The following TRPM8 variants were observed in gnomAD, a reference collection of about 807,000 sequenced individuals.
TRPM8 encodes the protein TRPM8 cationic channel.
A neutral mutation model predicts 133.7 loss-of-function variants in TRPM8; 110 were observed. That is an observed-to-expected ratio of 0.82 (90% CI 0.70 to 0.96). The LOEUF is 0.96. Among genes scored for constraint, TRPM8 ranks in the 40% least tolerant of loss-of-function variants. The pLI is 0.00. For synonymous variants in TRPM8, 535 were observed against 532.3 expected (o/e 1.01, Z -0.07); for missense variants, 1,291 against 1,379.5 (o/e 0.94, Z 1.02).
intron 19 of TRPM8, 118 bp from the exon 20 acceptor site, chr2:233,982,935 A>T (rs982904401): frequency 9.1e-7 from 1 of 1,101,550 alleles, no homozygotes; most frequent in Non-Finnish European, 1.3e-6. Flanking sequence ...GGTGACTTAG[A>T]TGCTCTGAGC....
intron 4 of TRPM8, among the ~76,000 whole-genome samples, chr2:233,937,823 C>T (rs1275012722): frequency 6.6e-6 from 1 of 152,206 alleles, no homozygotes; most frequent in African/African-American, 2.4e-5. Context: ...TTTGTGAACC[C>T]TACTGCTTAG....
intron 23 of TRPM8, among the ~76,000 whole-genome samples, chr2:234,007,487 C>G (rs1047269984): frequency 6.6e-6 from 1 of 152,226 alleles, no homozygotes; most frequent in Admixed American, 6.5e-5. Flanking sequence ...GTTGATTAAA[C>G]ATCTTATAGA....
At chr2:233,987,873 C>T (rs1017267607) in intron 21 of TRPM8, among the ~76,000 whole-genome samples, 6 of 152,124 alleles carry the variant, frequency 3.9e-5, no homozygotes, top group Non-Finnish European at 7.3e-5. Context: ...ATTCTGTTTG[C>T]CTGCTGCCAT....
chr2:233,934,396 C>T (rs765475731), intron 3 of TRPM8, among the ~76,000 whole-genome samples: 38 of 152,212 alleles, frequency 2.5e-4, no homozygotes, highest in Non-Finnish European at 5.0e-4. Context: ...GAAAGGGATG[C>T]CTATGTCAAT....
At chr2:233,991,630 G>T (rs1297851899) in intron 21 of TRPM8, among the ~76,000 whole-genome samples, 1 of 152,148 alleles carries the variant, frequency 6.6e-6, no homozygotes, top group African/African-American at 2.4e-5. Context: ...TGAAAATTCT[G>T]CCATTGTTTT....
chr2:234,012,780 C>T (rs1553672474), intron 24 of TRPM8, among the ~76,000 whole-genome samples: 1 of 150,912 alleles, frequency 6.6e-6, no homozygotes, highest in Non-Finnish European at 1.5e-5. Flanking sequence ...GTAGTAAGTT[C>T]CTTCTATATC....
rs200189869 is a variant in TRPM8 at position 234,017,440 on chromosome 2, A to G, written c.*184A>G. On this transcript the variant is annotated 3_prime_UTR_variant, in exon 26 of 26. Transcript: ENST00000324695. The stretch of plus-strand genomic sequence containing the variant: ...GAATAAAGTGTGTGATTGGTTTCAT[A>G]CTTGAAGACGGATATAAAGGAAGAA... The G allele has an allele frequency of 2.5e-4, 116 of 459,016 alleles. No homozygotes were observed. The highest frequency in any genetic ancestry group is 1.8e-3 in the South Asian group (112 of 62,672). The allele number at this position is 459,016 out of a possible 1,614,324, so 28.4% of individuals were successfully genotyped here.
intron 24 of TRPM8, 130 bp downstream of exon 24, chr2:234,008,233 G>A (rs889777421): frequency 1.3e-5 from 12 of 919,544 alleles, no homozygotes; most frequent in East Asian, 2.5e-5. Flanking sequence ...CTGTCTAAGA[G>A]CAGGGTGCTG....
intron 9 of TRPM8, among the ~76,000 whole-genome samples, chr2:233,953,069 A>T (rs1691206552): frequency 6.6e-6 from 1 of 152,040 alleles, no homozygotes; most frequent in African/African-American, 2.4e-5. Context: ...TGCAGTTTTC[A>T]TTCATTTCCT....
chr2:234,010,668 G>A (rs1241180058), intron 24 of TRPM8, among the ~76,000 whole-genome samples: 2 of 152,088 alleles, frequency 1.3e-5, no homozygotes, highest in Non-Finnish European at 2.9e-5. Context: ...TTGATAATAA[G>A]CGTCGTAACA....
chr2:233,973,110 A>T (rs1444630414), intron 17 of TRPM8, among the ~76,000 whole-genome samples: 5 of 152,368 alleles, frequency 3.3e-5, no homozygotes, highest in Non-Finnish European at 4.4e-5. Context: ...TTCTTGCCCC[A>T]GGACGGGGCC....
intron 21 of TRPM8, 82 bp downstream of exon 21, chr2:233,985,947 A>G (rs1329652262): frequency 1.4e-5 from 19 of 1,321,566 alleles, no homozygotes; most frequent in Non-Finnish European, 1.7e-5. Flanking sequence ...AGCATCGCAA[A>G]GGTCCCACCC....
At chr2:233,960,749 A>G in intron 11 of TRPM8, 27 bp from the exon 12 acceptor site, 1 of 1,598,776 alleles carries the variant, frequency 6.3e-7, no homozygotes, top group East Asian at 2.2e-5. Flanking sequence ...TAGTATTGTT[A>G]GTACTGTCTC....
At chr2:233,934,402 T>A (rs745553751) in intron 3 of TRPM8, among the ~76,000 whole-genome samples, 2 of 152,264 alleles carry the variant, frequency 1.3e-5, no homozygotes, top group Non-Finnish European at 1.5e-5. Context: ...GATGCCTATG[T>A]CAATCCTGGA....
rs747631146 is a variant in TRPM8, at chr2:233,964,615, C to T, written c.1750-13C>T. 1 of 1,484,934 alleles carries T rather than the reference C, an allele frequency of 6.7e-7. No individual in the cohort carries two copies. The highest frequency in any genetic ancestry group is 2.4e-5 in the East Asian group (1 of 41,966). The allele number at this position is 1,484,934 out of a possible 1,614,324, so 92.0% of individuals were successfully genotyped here. On this transcript the variant is annotated splice_polypyrimidine_tract_variant and intron_variant, in intron 13 of 25. Transcript: ENST00000324695. ...AAAGAATTAACCTTAAAATTCTTCA[C>T]CCCCCTAAAAAGACCAGGGGCTGCA...
rs35124867 is a variant in TRPM8, at chr2:233,942,621, A to G, written c.572A>G (p.Tyr191Cys). 122 of 1,614,092 alleles carry G rather than the reference A, an allele frequency of 7.6e-5. No individual in the cohort carries two copies. Among genetic ancestry groups the G allele is most frequent in the Admixed American group, 5.5e-4 (33 of 60,012 alleles). Residue 191 changes from tyrosine to cysteine, a missense_variant, in exon 6 of 26, where the codon TAC becomes TGC. Tyr to Cys is a radical substitution (Grantham distance 194). This residue lies in a region of TRPM8 where 963 missense variants were observed against 968.9 expected (regional missense o/e 0.99). Coordinates refer to ENST00000324695, the MANE Select transcript of TRPM8 (RefSeq NM_024080.5). ...TGGTHYGLMKYIGEVVRDNTI... is the reference protein window; with the variant it reads ...TGGTHYGLMKCIGEVVRDNTI... Reference sequence around the variant, plus strand: ...GGCACCCATTATGGCCTGATGAAGTACATCGGGGAGGTGGTGAGAGATAAC... The same window carrying G: ...GGCACCCATTATGGCCTGATGAAGTGCATCGGGGAGGTGGTGAGAGATAAC...
At position 233,996,093 on chromosome 2, in the gene TRPM8, T is replaced by TA. The variant is rs200380555; in HGVS notation, c.2940-218dup. ...AGTTTGTTGAGCATTTTTTTGTGAT[T>TA]AAAAAAAAAAAAAAACCACCAAAAG... On this transcript the variant is annotated intron_variant, in intron 21 of 25. Transcript: ENST00000324695. Among the ~76,000 whole-genome samples, 875 of 136,440 alleles carry TA rather than the reference T, an allele frequency of 6.4e-3. 2 individuals carry two copies. The highest frequency in any genetic ancestry group is 9.3e-3 in the Non-Finnish European group (584 of 62,642). The allele number at this position is 136,440 out of a possible 152,430, so 89.5% of individuals were successfully genotyped here.
chr2:233,966,631 G>A lies in TRPM8; in HGVS notation c.1901G>A (p.Ser634Asn). The A allele has an allele frequency of 1.9e-6, 3 of 1,614,132 alleles. No homozygotes were observed. Among genetic ancestry groups the A allele is most frequent in the Non-Finnish European group, 2.5e-6 (3 of 1,180,026 alleles). ...RAVELFTECY[S>N]SDEDLAEQLL... ...GTAGAGCTGTTCACTGAGTGTTACA[G>A]CAGCGATGAAGACTTGGCAGAACAG... Residue 634 changes from serine (S) to asparagine (N), a missense_variant, in exon 15 of 26, where the codon AGC becomes AAC. Coordinates refer to ENST00000324695, the MANE Select transcript of TRPM8 (RefSeq NM_024080.5).
At chr2:233,971,550 T>A (rs1177919900) in intron 17 of TRPM8, among the ~76,000 whole-genome samples, 1 of 151,958 alleles carries the variant, frequency 6.6e-6, no homozygotes, top group Admixed American at 6.6e-5. Flanking sequence ...GGAGGAAGTG[T>A]GTCTGGAATT....
Sources: allele counts gnomAD v4.1 joint callset (sites outside exome capture counted in the v4.1 genomes callset), GRCh38; gene constraint gnomAD v4.1.1; regional missense constraint gnomAD v4.1.1; transcripts MANE v1.5; gene names NCBI Gene and HGNC (gene_info 2026-07-23, HGNC 2026-07-21).